Variants in LPP observed in about 807,000 individuals in gnomAD.
LPP encodes LIM domain containing preferred translocation partner in lipoma, also known as lipoma-preferred partner.
In LPP, 38 loss-of-function variants were observed where a neutral mutation model predicts 60.4. That is an observed-to-expected ratio of 0.63 (90% CI 0.49 to 0.83). The LOEUF (loss-of-function observed/expected upper bound fraction) is 0.83. Among genes scored for constraint, LPP ranks in the 40% least tolerant of loss-of-function variants. The probability of loss-of-function intolerance (pLI) is 0.00; values close to 1 mark genes in which losing one functional copy is unlikely to be tolerated. For missense variants in LPP, 902 were observed against 783.6 expected, an observed-to-expected ratio of 1.15 and a Z score of -1.80; for synonymous variants, 328 against 290.8, an observed-to-expected ratio of 1.13 and a Z score of -1.30.
intron 5 of LPP, among the ~76,000 whole-genome samples, chr3:188,502,643 A>T (rs552493072): frequency 3.3e-5 from 5 of 152,292 alleles, no homozygotes; most frequent in Non-Finnish European, 7.4e-5. Flanking sequence ...TTATTTTCCT[A>T]CAGATGCTCC....
chr3:188,461,677 T>C (rs1241110984), intron 4 of LPP, among the ~76,000 whole-genome samples: 1 of 152,200 alleles, frequency 6.6e-6, no homozygotes, highest in Non-Finnish European at 1.5e-5. Flanking sequence ...GTATTTTTAA[T>C]TGTGGTTTTC....
Position 188,178,940 on chromosome 3 carries a change from T to C in LPP, c.-190+24688T>C, listed in dbSNP as rs114509159. On this transcript the variant is annotated intron_variant, in intron 1 of 11. Transcript: ENST00000617246. The stretch of plus-strand genomic sequence containing the variant: ...ATTGGTGCCTCTGTGGACATGCAGG[T>C]ATATTAGGCCAGAGGTGGGGAGTGG... 3.0e-3 allele frequency: 784 copies of C among 260,520 alleles called. 9 individuals are homozygous for C. The highest frequency in any genetic ancestry group is 0.016 in the African/African-American group (713 of 43,920). 16.1% of individuals were successfully genotyped at this position (260,520 alleles called of 1,614,324 possible). A position where few individuals can be genotyped will look rare whatever the true frequency, so the allele number is the denominator to read the frequency against.
At chr3:188,850,643 C>G (rs1015865637) in intron 9 of LPP, among the ~76,000 whole-genome samples, 4 of 151,810 alleles carry the variant, frequency 2.6e-5, no homozygotes, top group African/African-American at 9.7e-5. Flanking sequence ...AGAAAGAAAA[C>G]AAGACTGGTA....
chr3:188,291,205 A>T (rs1219536635), intron 2 of LPP, among the ~76,000 whole-genome samples: 1 of 152,162 alleles, frequency 6.6e-6, no homozygotes, highest in African/African-American at 2.4e-5. Flanking sequence ...ATCTTTATAA[A>T]GCCTGTGTGT....
At chr3:188,293,562 T>A (rs189071908) in intron 2 of LPP, among the ~76,000 whole-genome samples, 107 of 152,348 alleles carry the variant, frequency 7.0e-4, no homozygotes, top group African/African-American at 2.5e-3. Context: ...GCAAAATATA[T>A]GTCAAACTGA....
chr3:188,381,980 G>T (rs560423636), intron 3 of LPP, among the ~76,000 whole-genome samples: 1 of 151,738 alleles, frequency 6.6e-6, no homozygotes, highest in East Asian at 1.9e-4. Flanking sequence ...AGAGACAGGG[G>T]TCTTGCTATG....
chr3:188,430,105 G>A (rs1394742175), intron 4 of LPP, among the ~76,000 whole-genome samples: 3 of 151,708 alleles, frequency 2.0e-5, no homozygotes, highest in Admixed American at 2.0e-4. Flanking sequence ...GGACAAATAG[G>A]GTTTATCTAT....
chr3:188,559,482 G>T (rs549530622), intron 6 of LPP, among the ~76,000 whole-genome samples: 3 of 151,924 alleles, frequency 2.0e-5, no homozygotes, highest in African/African-American at 7.3e-5. Context: ...AAAGATGATG[G>T]TACTATAAGA....
chr3:188,738,340 T>A (rs563550674), intron 8 of LPP, among the ~76,000 whole-genome samples: 1 of 152,194 alleles, frequency 6.6e-6, no homozygotes, highest in African/African-American at 2.4e-5. Context: ...TATAATTTCC[T>A]CAGCAACTCT....
intron 1 of LPP, among the ~76,000 whole-genome samples, chr3:188,158,202 T>C (rs1260404137): frequency 6.6e-6 from 1 of 152,160 alleles, no homozygotes; most frequent in Non-Finnish European, 1.5e-5. Context: ...GGATCCAAGC[T>C]GAGTATGTTC....
chr3:188,524,918 TCC>T, intron 6 of LPP, 131 bp downstream of exon 6: 1 of 610,636 alleles, frequency 1.6e-6, no homozygotes, highest in South Asian at 2.6e-5. Flanking sequence ...CTTCCTTCCT[TCC>T]TTCCTTCCTT....
chr3:188,389,980 A>G (rs768005427), intron 3 of LPP, among the ~76,000 whole-genome samples: 11 of 152,082 alleles, frequency 7.2e-5, no homozygotes, highest in Non-Finnish European at 8.8e-5. Context: ...ACTCTGTCCA[A>G]TTGTGTTCCT....
chr3:188,379,935 G>A (rs1277486555), intron 3 of LPP, among the ~76,000 whole-genome samples: 1 of 152,198 alleles, frequency 6.6e-6, no homozygotes, highest in African/African-American at 2.4e-5. Context: ...AGGAATTGAA[G>A]TTAGAAATAT....
At chr3:188,783,792 A>G (rs972074094) in intron 9 of LPP, among the ~76,000 whole-genome samples, 2 of 152,052 alleles carry the variant, frequency 1.3e-5, no homozygotes, top group Non-Finnish European at 2.9e-5. Context: ...CTATCCCTTC[A>G]TAGACTAGCT....
At chr3:188,267,887 A>G (rs933035645) in intron 2 of LPP, among the ~76,000 whole-genome samples, 1 of 152,130 alleles carries the variant, frequency 6.6e-6, no homozygotes, top group African/African-American at 2.4e-5. Flanking sequence ...CTGGCAACCC[A>G]GGGCCAGCAC....
chr3:188,307,931 G>T (rs978522099), intron 2 of LPP, among the ~76,000 whole-genome samples: 1 of 152,128 alleles, frequency 6.6e-6, no homozygotes, highest in Non-Finnish European at 1.5e-5. Flanking sequence ...CTGTGCTCTG[G>T]GGTGTAAGTG....
At chr3:188,533,377 T>C (rs929620244) in intron 6 of LPP, among the ~76,000 whole-genome samples, 2 of 152,256 alleles carry the variant, frequency 1.3e-5, no homozygotes, top group African/African-American at 4.8e-5. Context: ...CCCTACAGAC[T>C]AGAAACTTTG....
chr3:188,543,326 A>G (rs1034049850), intron 6 of LPP, among the ~76,000 whole-genome samples: 1 of 152,064 alleles, frequency 6.6e-6, no homozygotes, highest in Non-Finnish European at 1.5e-5. Flanking sequence ...TTGCCATGCA[A>G]CAAATTGCTT....
chr3:188,633,853 T>A (rs892929888), intron 7 of LPP, among the ~76,000 whole-genome samples: 2 of 152,228 alleles, frequency 1.3e-5, no homozygotes, highest in African/African-American at 4.8e-5. Context: ...GAGTTATTCC[T>A]TTTTACTCTT....
Sources: allele counts gnomAD v4.1 joint callset (sites outside exome capture counted in the v4.1 genomes callset), GRCh38; gene constraint gnomAD v4.1.1; transcripts MANE v1.5; gene names NCBI Gene and HGNC (gene_info 2026-07-23, HGNC 2026-07-21).